Variants in TXNRD1 observed in about 807,000 individuals in gnomAD.
TXNRD1 encodes thioredoxin reductase 1, also known as thioredoxin reductase 1, cytoplasmic.
TXNRD1 carries 57 observed loss-of-function variants against 80.3 expected under a neutral mutation model. The observed-to-expected ratio is 0.71, with a 90% CI of 0.57 to 0.89. The LOEUF is 0.89. Among genes scored for constraint, TXNRD1 ranks in the 40% least tolerant of loss-of-function variants. TXNRD1 has a pLI of 0.00. For synonymous variants in TXNRD1, 291 were observed against 285.2 expected, an observed-to-expected ratio of 1.02 and a Z score of -0.20; for missense variants, 730 against 803.0, an observed-to-expected ratio of 0.91 and a Z score of 1.10.
chr12:104,279,816 G>A (rs2033838438), intron 3 of TXNRD1, among the ~76,000 whole-genome samples: 1 of 152,026 alleles, frequency 6.6e-6, no homozygotes, highest in Non-Finnish European at 1.5e-5. Flanking sequence ...TGTAATCCCA[G>A]CACTTTGGGA....
intron 1 of TXNRD1, among the ~76,000 whole-genome samples, chr12:104,234,064 G>T (rs2032682542): frequency 6.6e-6 from 1 of 152,124 alleles, no homozygotes; most frequent in Non-Finnish European, 1.5e-5. Context: ...AAAAACCTGT[G>T]TTTGAGAATA....
At chr12:104,326,325 T>C (rs753415736) in intron 11 of TXNRD1, 22 bp from the exon 12 acceptor site, 2 of 1,521,214 alleles carry the variant, frequency 1.3e-6, no homozygotes, top group Non-Finnish European at 1.8e-6. Flanking sequence ...TATTAGTCAC[T>C]AATATATTAA....
At position 104,251,621 on chromosome 12, in the gene TXNRD1, T is replaced by C; in HGVS notation, c.186T>C (p.Tyr62=). 4 of 1,613,976 alleles carry C rather than the reference T, an allele frequency of 2.5e-6. No individual in the cohort carries two copies. In the South Asian group the frequency reaches 4.4e-5, roughly 18 times the overall value. The change falls in exon 2 of 17, where the codon TAT becomes TAC. Residue 62 remains tyrosine (Y), a synonymous_variant. Coordinates refer to ENST00000525566, the MANE Select transcript of TXNRD1 (RefSeq NM_001093771.3). The part of the protein sequence containing the change: ...TADSRALLQA[Y]IDGHSVVIFS... Reference sequence around the variant, plus strand: ...ACTCCAGAGCCCTGCTTCAGGCCTATATAGATGGTCACTCTGTGGTCATCT... The same window carrying C: ...ACTCCAGAGCCCTGCTTCAGGCCTACATAGATGGTCACTCTGTGGTCATCT...
At chr12:104,248,004 T>C (rs2033029107) in intron 1 of TXNRD1, among the ~76,000 whole-genome samples, 1 of 152,200 alleles carries the variant, frequency 6.6e-6, no homozygotes, top group African/African-American at 2.4e-5. Flanking sequence ...TAACATTCTG[T>C]GATTCTCATT....
At chr12:104,287,252 G>T (rs948551396) in intron 3 of TXNRD1, 41 of 1,613,688 alleles carry the variant, frequency 2.5e-5, no homozygotes, top group Non-Finnish European at 3.1e-5. Flanking sequence ...ATTTTAAGGC[G>T]TGTCTGAGCA....
intron 4 of TXNRD1, among the ~76,000 whole-genome samples, chr12:104,306,631 ATAGAG>A (rs1442946679): frequency 6.6e-6 from 1 of 152,224 alleles, no homozygotes; most frequent in African/African-American, 2.4e-5. Context: ...TTCACCAATA[ATAGAG>A]TAGAGGTTTT....
chr12:104,293,434 G>A (rs10861186), intron 4 of TXNRD1, among the ~76,000 whole-genome samples: 50,055 of 151,998 alleles, frequency 0.33, 8,440 homozygotes, highest in African/African-American at 0.38. Context: ...CCAGTCTTGG[G>A]GGGTAGATGC....
At chr12:104,323,431 G>T (rs1565903231) in intron 10 of TXNRD1, among the ~76,000 whole-genome samples, 4 of 150,474 alleles carry the variant, frequency 2.7e-5, no homozygotes, top group Middle Eastern at 3.4e-3. Flanking sequence ...CTCCCGGACG[G>T]GGCGGCTGGC....
chr12:104,261,591 C>A (rs1265946378), intron 3 of TXNRD1, among the ~76,000 whole-genome samples: 1 of 152,178 alleles, frequency 6.6e-6, no homozygotes, highest in East Asian at 1.9e-4. Flanking sequence ...TCTCCTTTTC[C>A]AACTACTTTT....
intron 4 of TXNRD1, among the ~76,000 whole-genome samples, chr12:104,294,540 C>A (rs2034371722): frequency 6.6e-6 from 1 of 152,256 alleles, no homozygotes; most frequent in African/African-American, 2.4e-5. Context: ...TTGCTACCAA[C>A]TAATGATTAA....
At position 104,288,928 on chromosome 12, in the gene TXNRD1, CAG is replaced by C; in HGVS notation, c.305_306del. On this transcript the variant is annotated splice_acceptor_variant, in intron 3 of 16. Transcript: ENST00000525566. LOFTEE classifies it high-confidence loss of function. ...CGCTCCGCTCTGCTTTTGTGCCACA[CAG>C]AGGACGGTCGGGCCCTGGAAGGAAC... The C allele has an allele frequency of 6.2e-7, 1 of 1,614,020 alleles. No individual in the cohort carries two copies. The highest frequency in any genetic ancestry group is 2.2e-5 in the East Asian group (1 of 44,882).
chr12:104,269,644 A>G (rs1321774392), intron 3 of TXNRD1, among the ~76,000 whole-genome samples: 1 of 151,284 alleles, frequency 6.6e-6, no homozygotes, highest in Non-Finnish European at 1.5e-5. Context: ...CTCGGCTCAC[A>G]GTAACCTCTG....
chr12:104,286,870 G>GCT, intron 3 of TXNRD1: 1 of 1,103,334 alleles, frequency 9.1e-7, no homozygotes, highest in East Asian at 7.0e-5. Flanking sequence ...CCAATTAGGA[G>GCT]CTCTCAGCTT....
At chr12:104,224,108 G>T (rs2032416445) in intron 1 of TXNRD1, among the ~76,000 whole-genome samples, 1 of 152,064 alleles carries the variant, frequency 6.6e-6, no homozygotes, top group Admixed American at 6.6e-5. Context: ...TGTGGCACAA[G>T]TTTTTTTTCC....
intron 16 of TXNRD1, among the ~76,000 whole-genome samples, chr12:104,348,106 C>T (rs2036551392): frequency 6.6e-6 from 1 of 152,188 alleles, no homozygotes; most frequent in African/African-American, 2.4e-5. Context: ...TAATCATCCT[C>T]ATGCTAACAA....
intron 4 of TXNRD1, among the ~76,000 whole-genome samples, chr12:104,290,720 C>T (rs375558798): frequency 0.011 from 597 of 55,418 alleles, 1 homozygote; most frequent in Middle Eastern, 0.015. Flanking sequence ...AAGAAATATA[C>T]ATATATATAT....
chr12:104,236,166 A>T (rs1046901189), intron 1 of TXNRD1, among the ~76,000 whole-genome samples: 2 of 152,178 alleles, frequency 1.3e-5, no homozygotes, highest in South Asian at 4.2e-4. Context: ...TTTAGACTAT[A>T]GACTGTAAAT....
intron 3 of TXNRD1, among the ~76,000 whole-genome samples, chr12:104,258,831 G>A (rs980751753): frequency 1.3e-5 from 2 of 152,220 alleles, no homozygotes; most frequent in African/African-American, 4.8e-5. Context: ...TCAGGAGGCT[G>A]AGGCAGGAGG....
chr12:104,239,568 T>G (rs371572676), intron 1 of TXNRD1, among the ~76,000 whole-genome samples: 1 of 152,072 alleles, frequency 6.6e-6, no homozygotes, highest in South Asian at 2.1e-4. Context: ...ATTCCTTTTT[T>G]TTCCCTAGAC....
Sources: gnomAD v4.1 joint callset for allele counts (sites outside exome capture counted in the v4.1 genomes callset) on GRCh38, gnomAD v4.1.1 for gene constraint, MANE v1.5 for transcripts, NCBI Gene and HGNC (gene_info 2026-07-23, HGNC 2026-07-21) for gene names.